Variants in MPZL3 observed in about 807,000 individuals in gnomAD.
MPZL3 encodes the protein myelin protein zero-like protein 3.
In MPZL3, 23 loss-of-function variants were observed where a neutral mutation model predicts 24.8. The ratio of observed to expected loss-of-function variants is 0.93; its 90% confidence interval spans 0.67 to 1.31. MPZL3 has a LOEUF of 1.31. Among genes scored for constraint, MPZL3 ranks in the 40% most tolerant of loss-of-function variants. MPZL3 has a pLI of 0.00. For synonymous variants in MPZL3, 99 were observed against 106.5 expected (o/e 0.93, Z 0.44); for missense variants, 277 against 294.9 (o/e 0.94, Z 0.44).
At chr11:118,252,077 T>A in intron 1 of MPZL3, 145 bp downstream of exon 1, 1 of 760,476 alleles carries the variant, frequency 1.3e-6, no homozygotes. Context: ...GGTGATGACA[T>A]CGTCCCAACG....
intron 1 of MPZL3, among the ~76,000 whole-genome samples, chr11:118,245,217 G>A (rs966216880): frequency 1.3e-5 from 2 of 152,030 alleles, no homozygotes; most frequent in Non-Finnish European, 2.9e-5. Context: ...TGGCCAACAT[G>A]GCGAAACCCC....
chr11:118,242,673 CCA>C (rs1433178180), intron 1 of MPZL3, among the ~76,000 whole-genome samples: 1 of 152,222 alleles, frequency 6.6e-6, no homozygotes, highest in African/African-American at 2.4e-5. Flanking sequence ...TTGTTCCCCA[CCA>C]CACCATATCC....
At chr11:118,246,122 T>C (rs796082255) in intron 1 of MPZL3, among the ~76,000 whole-genome samples, 3 of 152,316 alleles carry the variant, frequency 2.0e-5, no homozygotes, top group African/African-American at 7.2e-5. Context: ...TCTGACAGTA[T>C]GTATCAAATA....
rs1162911241 is a variant in MPZL3, at chr11:118,237,049, C to G, written c.451+1G>C. 6.2e-7 allele frequency: 1 copy of G among 1,613,642 alleles called. No individual in the cohort carries two copies. Among genetic ancestry groups the G allele is most frequent in the Admixed American group, 1.7e-5 (1 of 60,002 alleles). On this transcript the variant is annotated splice_donor_variant, in intron 3 of 5. Transcript: ENST00000278949. LOFTEE classifies it high-confidence loss of function. ...AAGAAGGTTGGTGGCAATGAGCTTA[C>G]CCCTTTCTGTGACTGTTAGCTCTGT...
chr11:118,237,244 G>T lies in MPZL3; in HGVS notation c.257C>A (p.Ser86Tyr), dbSNP rs767639634. The change falls in exon 3 of 6, where the codon TCT becomes TAT. Residue 86 changes from serine (S) to tyrosine (Y), a missense_variant. Transcript: ENST00000278949. Reference protein sequence around the residue: ...SHTVSIFHYQSFQYPTTAGTF... With the variant: ...SHTVSIFHYQYFQYPTTAGTF... ...GCCTGCTGTGGTTGGGTACTGGAAA[G>T]ACTGATAATGAAATATCTAAGAAAG... is the stretch of plus-strand genomic sequence containing the variant. 2 of 1,613,998 alleles carry T rather than the reference G, an allele frequency of 1.2e-6. No homozygotes were observed. Among genetic ancestry groups the T allele is most frequent in the Admixed American group, 3.3e-5 (2 of 60,002 alleles).
Position 118,228,836 on chromosome 11 carries a change from A to G in MPZL3, c.*1058T>C, listed in dbSNP as rs1285824437. On this transcript the variant is annotated 3_prime_UTR_variant, in exon 6 of 6. Coordinates refer to ENST00000278949, the MANE Select transcript of MPZL3 (RefSeq NM_198275.3). Reference sequence around the variant, plus strand: ...GAAGAAAAGTTGTAGTTATAAGAAAATAAAATAACAGGCCAAGCACAGTGG... The same window carrying G: ...GAAGAAAAGTTGTAGTTATAAGAAAGTAAAATAACAGGCCAAGCACAGTGG... The G allele has an allele frequency of 6.6e-6, 1 of 152,160 alleles. No individual in the cohort carries two copies. The highest frequency in any genetic ancestry group is 1.5e-5 in the Non-Finnish European group (1 of 68,038). The allele number at this position is 152,160 out of a possible 1,614,324, so 9.4% of individuals were successfully genotyped here.
chr11:118,240,352 C>A lies in MPZL3; in HGVS notation c.99G>T (p.Glu33Asp). Reference sequence around the variant, plus strand: ...CTCGGACATGGGCATCTGCACGAATCTCCAAGGAAAAGACGATATAAACAC... The same window carrying A: ...CTCGGACATGGGCATCTGCACGAATATCCAAGGAAAAGACGATATAAACAC... Reference protein sequence around the residue: ...FQGVYIVFSLEIRADAHVRGY... With the variant: ...FQGVYIVFSLDIRADAHVRGY... Residue 33 changes from glutamate to aspartate, a missense_variant, in exon 2 of 6, where the codon GAG (glutamate) becomes GAT (aspartate). Glu to Asp is a conservative substitution (Grantham distance 45). Coordinates refer to ENST00000278949, the MANE Select transcript of MPZL3 (RefSeq NM_198275.3). 6.2e-7 allele frequency: 1 copy of A among 1,606,142 alleles called. No individual in the cohort carries two copies. Among genetic ancestry groups the A allele is most frequent in the Non-Finnish European group, 8.5e-7 (1 of 1,177,448 alleles).
chr11:118,252,166 A>C (rs1385782452), intron 1 of MPZL3, 56 bp downstream of exon 1: 14 of 1,586,184 alleles, frequency 8.8e-6, no homozygotes, highest in Non-Finnish European at 1.2e-5. Flanking sequence ...CGGAAAAGCG[A>C]CCATCTTCCC....
chr11:118,229,125 C>CAAAAAAAAAAA lies in MPZL3; in HGVS notation c.*758_*768dup, dbSNP rs60832269. The CAAAAAAAAAAA allele has an allele frequency of 1.0e-5, 1 of 96,440 alleles. No homozygotes were observed. Among genetic ancestry groups the CAAAAAAAAAAA allele is most frequent in the African/African-American group, 5.7e-5 (1 of 17,392 alleles). 6.0% of individuals were successfully genotyped at this position (96,440 alleles called of 1,614,324 possible). A position where few individuals can be genotyped will look rare whatever the true frequency, so the allele number is the denominator to read the frequency against. Reference sequence around the variant, plus strand: ...CTGGCGACAGAGTGAGACTCTGCCTCAAAAAAAAAAAAAAAAAAAAAAAAG... The same window carrying CAAAAAAAAAAA: ...CTGGCGACAGAGTGAGACTCTGCCTCAAAAAAAAAAAAAAAAAAAAAAAAAAAAAAAAAAAG... On this transcript the variant is annotated 3_prime_UTR_variant, in exon 6 of 6. Transcript: ENST00000278949.
chr11:118,237,362 T>C, intron 2 of MPZL3, 102 bp from the exon 3 acceptor site: 1 of 1,081,322 alleles, frequency 9.2e-7, no homozygotes, highest in Non-Finnish European at 1.4e-6. Flanking sequence ...TAATGGTGTG[T>C]TTTTTTTCAG....
At chr11:118,247,399 T>C (rs1056841876) in intron 1 of MPZL3, among the ~76,000 whole-genome samples, 1 of 152,184 alleles carries the variant, frequency 6.6e-6, no homozygotes, top group Non-Finnish European at 1.5e-5. Context: ...ATACATAGGG[T>C]TGGACAATTT....
chr11:118,240,832 T>C (rs1478758112), intron 1 of MPZL3, among the ~76,000 whole-genome samples: 2 of 151,860 alleles, frequency 1.3e-5, no homozygotes, highest in African/African-American at 4.8e-5. Flanking sequence ...ACCCCAAGTA[T>C]AGCATGGTTG....
chr11:118,241,259 A>G (rs183521920), intron 1 of MPZL3, among the ~76,000 whole-genome samples: 23 of 152,322 alleles, frequency 1.5e-4, no homozygotes, highest in African/African-American at 4.3e-4. Flanking sequence ...CTGCTTCCTT[A>G]TCTACCTCAA....
rs762457072 is a variant in MPZL3, at chr11:118,235,460, G to A, written c.581C>T (p.Ser194Phe). 1 of 1,613,728 alleles carries A rather than the reference G, an allele frequency of 6.2e-7. No individual in the cohort carries two copies. Among genetic ancestry groups the A allele is most frequent in the African/African-American group, 1.3e-5 (1 of 74,862 alleles). The change falls in exon 4 of 6, where the codon TCT becomes TTT. Residue 194 changes from serine (S) to phenylalanine (F), a missense_variant. Ser to Phe is a radical substitution (Grantham distance 155, BLOSUM62 -2). Coordinates refer to ENST00000278949, the MANE Select transcript of MPZL3 (RefSeq NM_198275.3). ...KAAGLKKRSR[S>F]GYKKSSIEVS... The stretch of plus-strand genomic sequence containing the variant: ...CTCAATAGATGACTTCTTATAGCCA[G>A]ACCTGCTCCTCTTCTTCAGCCCAGC...
rs1250011863 is a variant in MPZL3, at chr11:118,252,203, A to G, written c.73+19T>C. The G allele has an allele frequency of 4.3e-6, 7 of 1,612,798 alleles. No homozygotes were observed. Among genetic ancestry groups the G allele is most frequent in the Non-Finnish European group, 5.9e-6 (7 of 1,179,666 alleles). On this transcript the variant is annotated intron_variant, in intron 1 of 5. Transcript: ENST00000278949. The stretch of plus-strand genomic sequence containing the variant: ...AACCCCCCGGCCGGAAGTGGAGCGT[A>G]GCCAGCCGGAGCACTCACCCTGGAA...
chr11:118,247,018 G>A (rs943626449), intron 1 of MPZL3, among the ~76,000 whole-genome samples: 3 of 152,220 alleles, frequency 2.0e-5, no homozygotes, highest in East Asian at 3.9e-4. Flanking sequence ...TGGGAGCTGT[G>A]GGCAACCTGA....
intron 1 of MPZL3, among the ~76,000 whole-genome samples, chr11:118,249,383 G>A (rs555120663): frequency 6.6e-6 from 1 of 152,112 alleles, no homozygotes; most frequent in South Asian, 2.1e-4. Context: ...ACCAATGGAT[G>A]TAAGACAGTT....
chr11:118,244,568 A>T (rs1472286645), intron 1 of MPZL3, among the ~76,000 whole-genome samples: 1 of 152,236 alleles, frequency 6.6e-6, no homozygotes, highest in African/African-American at 2.4e-5. Flanking sequence ...GAAGGAGCTC[A>T]GTCAGTCAAG....
chr11:118,240,983 A>G (rs556814264), intron 1 of MPZL3, among the ~76,000 whole-genome samples: 1 of 152,376 alleles, frequency 6.6e-6, no homozygotes, highest in Non-Finnish European at 1.5e-5. Context: ...TGGCTGAGGA[A>G]TCACACATCC....
Sources: gnomAD v4.1 joint callset for allele counts (sites outside exome capture counted in the v4.1 genomes callset) on GRCh38, gnomAD v4.1.1 for gene constraint, MANE v1.5 for transcripts, NCBI Gene and HGNC (gene_info 2026-07-23, HGNC 2026-07-21) for gene names.